The following SLC39A11 variants were observed in gnomAD, a reference collection of about 807,000 sequenced individuals.
SLC39A11 encodes zinc transporter ZIP11.
In SLC39A11, 33 loss-of-function variants were observed where a neutral mutation model predicts 36.1. That is an observed-to-expected ratio of 0.91 (90% CI 0.69 to 1.22). SLC39A11 has a LOEUF of 1.22. Ranked by LOEUF, SLC39A11 falls within the 50% of genes most tolerant of loss-of-function variation. The probability of loss-of-function intolerance (pLI) is 0.00; values close to 1 mark genes in which losing one functional copy is unlikely to be tolerated. For synonymous variants in SLC39A11, 166 were observed against 170.3 expected (o/e 0.97, Z 0.20); for missense variants, 432 against 430.3 (o/e 1.00, Z -0.03).
At chr17:72,732,618 T>A (rs1351368061) in intron 7 of SLC39A11, among the ~76,000 whole-genome samples, 24 of 152,234 alleles carry the variant, frequency 1.6e-4, no homozygotes, top group Non-Finnish European at 1.5e-5. Flanking sequence ...CTATCTTTCC[T>A]GCGCAGCGGC....
chr17:72,958,680 G>T (rs943692416), intron 4 of SLC39A11, among the ~76,000 whole-genome samples: 8 of 151,804 alleles, frequency 5.3e-5, no homozygotes, highest in African/African-American at 1.7e-4. Context: ...GCGAAACCCC[G>T]TCTCTACTAA....
intron 7 of SLC39A11, among the ~76,000 whole-genome samples, chr17:72,689,449 C>T (rs991576501): frequency 1.3e-5 from 2 of 151,430 alleles, no homozygotes; most frequent in Non-Finnish European, 1.5e-5. Flanking sequence ...TGGGTATACA[C>T]CATACAGAAA....
At chr17:72,677,991 G>C (rs553325099) in intron 7 of SLC39A11, among the ~76,000 whole-genome samples, 26 of 152,094 alleles carry the variant, frequency 1.7e-4, no homozygotes, top group Non-Finnish European at 3.4e-4. Context: ...AACCTGGCAG[G>C]AGCGCCCTTT....
chr17:72,693,280 C>T (rs1301384397), intron 7 of SLC39A11, among the ~76,000 whole-genome samples: 1 of 114,102 alleles, frequency 8.8e-6, no homozygotes, highest in Middle Eastern at 4.0e-3. Flanking sequence ...CTCAGGTGCC[C>T]CCACTTCTAC....
chr17:72,676,497 A>G (rs1457715011), intron 7 of SLC39A11, among the ~76,000 whole-genome samples: 1 of 152,170 alleles, frequency 6.6e-6, no homozygotes, highest in Non-Finnish European at 1.5e-5. Context: ...TAGATGCTCA[A>G]TAAATGCTAC....
At chr17:72,898,507 A>C (rs1159174199) in intron 5 of SLC39A11, among the ~76,000 whole-genome samples, 1 of 152,216 alleles carries the variant, frequency 6.6e-6, no homozygotes, top group Non-Finnish European at 1.5e-5. Flanking sequence ...TTAGTGAAAC[A>C]AATGGTGAAA....
chr17:72,757,858 C>T (rs1164920463), intron 6 of SLC39A11, among the ~76,000 whole-genome samples: 2 of 151,896 alleles, frequency 1.3e-5, no homozygotes, highest in Non-Finnish European at 2.9e-5. Flanking sequence ...GCCTGGGGAC[C>T]TAGGAGGTGC....
intron 5 of SLC39A11, among the ~76,000 whole-genome samples, chr17:72,882,931 G>A (rs1293251321): frequency 6.6e-6 from 1 of 151,644 alleles, no homozygotes; most frequent in Admixed American, 6.6e-5. Flanking sequence ...CCAGTAGCTG[G>A]GATTACAGGT....
At chr17:72,729,678 A>G (rs1181348555) in intron 7 of SLC39A11, among the ~76,000 whole-genome samples, 1 of 150,626 alleles carries the variant, frequency 6.6e-6, no homozygotes, top group East Asian at 2.0e-4. Context: ...CCAGCCCTGA[A>G]AAAACCTTGG....
At chr17:73,008,011 G>A (rs1441324432) in intron 4 of SLC39A11, among the ~76,000 whole-genome samples, 1 of 151,982 alleles carries the variant, frequency 6.6e-6, no homozygotes, top group Admixed American at 6.6e-5. Context: ...GCTGAGACAG[G>A]AGAATCACTT....
intron 3 of SLC39A11, among the ~76,000 whole-genome samples, chr17:73,045,096 TG>T (rs889644242): frequency 6.6e-6 from 1 of 152,024 alleles, no homozygotes; most frequent in Non-Finnish European, 1.5e-5. Flanking sequence ...ATCCAGGTTC[TG>T]GGGTCTATCC....
chr17:72,867,609 A>G (rs2080367750), intron 5 of SLC39A11, among the ~76,000 whole-genome samples: 1 of 152,168 alleles, frequency 6.6e-6, no homozygotes, highest in Non-Finnish European at 1.5e-5. Flanking sequence ...ATAAAAATCA[A>G]TCAATCCACT....
At chr17:73,029,754 G>C (rs2058680583) in intron 4 of SLC39A11, among the ~76,000 whole-genome samples, 1 of 152,020 alleles carries the variant, frequency 6.6e-6, no homozygotes, top group Non-Finnish European at 1.5e-5. Context: ...GCTAATTTTT[G>C]TATTTTTAGT....
chr17:72,893,055 T>G (rs962004226), intron 5 of SLC39A11, among the ~76,000 whole-genome samples: 3 of 152,186 alleles, frequency 2.0e-5, no homozygotes, highest in African/African-American at 7.2e-5. Flanking sequence ...TTTGTTCCCT[T>G]GTCAAAAGGA....
At chr17:72,791,909 C>T (rs1026893644) in intron 6 of SLC39A11, among the ~76,000 whole-genome samples, 3 of 152,206 alleles carry the variant, frequency 2.0e-5, no homozygotes, top group African/African-American at 7.2e-5. Flanking sequence ...ATCTGTGAGT[C>T]AGTTAAACCT....
intron 7 of SLC39A11, among the ~76,000 whole-genome samples, chr17:72,709,231 C>G (rs538447713): frequency 2.6e-5 from 4 of 152,368 alleles, no homozygotes; most frequent in Admixed American, 2.6e-4. Context: ...AGCCACCGCG[C>G]CCGGCCAAGC....
chr17:72,956,756 G>T (rs2086265853), intron 4 of SLC39A11, among the ~76,000 whole-genome samples: 1 of 152,194 alleles, frequency 6.6e-6, no homozygotes, highest in African/African-American at 2.4e-5. Context: ...TCTGACCTAT[G>T]TTATCCTTTT....
intron 6 of SLC39A11, among the ~76,000 whole-genome samples, chr17:72,773,191 G>C (rs184015574): frequency 5.9e-5 from 9 of 152,352 alleles, no homozygotes; most frequent in East Asian, 1.9e-4. Context: ...GAATTGTCCT[G>C]AAATTGACTT....
At chr17:72,736,853 AC>A in intron 6 of SLC39A11, 134 bp from the exon 7 acceptor site, 1 of 738,656 alleles carries the variant, frequency 1.4e-6, no homozygotes, top group Non-Finnish European at 2.4e-6. Context: ...AGCAGCTTAA[AC>A]CCAGGGAAAC....
Sources: gnomAD v4.1 joint callset for allele counts (sites outside exome capture counted in the v4.1 genomes callset) on GRCh38, gnomAD v4.1.1 for gene constraint, MANE v1.5 for transcripts, NCBI Gene and HGNC (gene_info 2026-07-23, HGNC 2026-07-21) for gene names.